CSMD1: variants seen among roughly 807,000 people sequenced by gnomAD.
CSMD1 encodes CUB and sushi domain-containing protein 1.
A neutral mutation model predicts 417.5 loss-of-function variants in CSMD1; 213 were observed. That is an observed-to-expected ratio of 0.51 (90% CI 0.46 to 0.57). CSMD1 has a LOEUF of 0.57. Among genes scored for constraint, CSMD1 ranks in the 20% least tolerant of loss-of-function variants. CSMD1 has a pLI of 0.00. For missense variants in CSMD1, 6,923 were observed against 4,529.7 expected, an observed-to-expected ratio of 1.53 and a Z score of -15.17; for synonymous variants, 2,862 against 1,736.8, an observed-to-expected ratio of 1.65 and a Z score of -16.11.
intron 16 of CSMD1, 79 bp from the exon 17 acceptor site, chr8:3,396,460 T>G: frequency 9.7e-7 from 1 of 1,032,084 alleles, no homozygotes; most frequent in South Asian, 1.7e-5. Context: ...CCTCATTCCT[T>G]AATCAGAAAC....
At chr8:3,284,440 C>T (rs533074792) in intron 25 of CSMD1, 94 bp from the exon 26 acceptor site, 2 of 843,878 alleles carry the variant, frequency 2.4e-6, no homozygotes, top group Admixed American at 2.1e-5. Flanking sequence ...CGCTTTCACA[C>T]AACCCCCACC....
At chr8:4,930,181 G>C (rs1178027878) in intron 1 of CSMD1, among the ~76,000 whole-genome samples, 1 of 152,138 alleles carries the variant, frequency 6.6e-6, no homozygotes, top group Non-Finnish European at 1.5e-5. Context: ...CGTAGGCATG[G>C]ACAGACGTTC....
At chr8:4,737,256 G>C in intron 1 of CSMD1, among the ~76,000 whole-genome samples, 1 of 152,130 alleles carries the variant, frequency 6.6e-6, no homozygotes, top group South Asian at 2.1e-4. Context: ...AATAGTGCAC[G>C]TTCTCACTTA....
At chr8:3,485,367 G>C (rs1355052441) in intron 11 of CSMD1, among the ~76,000 whole-genome samples, 2 of 152,106 alleles carry the variant, frequency 1.3e-5, no homozygotes, top group African/African-American at 2.4e-5. Context: ...TGCAGATAAT[G>C]TTTGGCAGGG....
intron 5 of CSMD1, among the ~76,000 whole-genome samples, chr8:3,905,689 C>G (rs1412260489): frequency 6.6e-6 from 1 of 152,144 alleles, no homozygotes; most frequent in Non-Finnish European, 1.5e-5. Context: ...CTTTGAGAAC[C>G]ACACTCAGTA....
At chr8:4,151,068 T>A (rs962649948) in intron 3 of CSMD1, among the ~76,000 whole-genome samples, 1 of 152,188 alleles carries the variant, frequency 6.6e-6, no homozygotes, top group African/African-American at 2.4e-5. Context: ...CAGCTAAGTT[T>A]ACGGGTGGTG....
At chr8:4,571,288 A>T (rs1308368329) in intron 2 of CSMD1, among the ~76,000 whole-genome samples, 1 of 152,078 alleles carries the variant, frequency 6.6e-6, no homozygotes, top group East Asian at 1.9e-4. Flanking sequence ...TAGCACTATG[A>T]TTTTCCCTCA....
At chr8:3,661,162 T>G (rs1259145044) in intron 7 of CSMD1, among the ~76,000 whole-genome samples, 1 of 152,184 alleles carries the variant, frequency 6.6e-6, no homozygotes, top group Non-Finnish European at 1.5e-5. Flanking sequence ...ATATGACTCC[T>G]TGTGGATGAA....
intron 3 of CSMD1, among the ~76,000 whole-genome samples, chr8:4,218,109 G>A (rs1359447477): frequency 6.6e-6 from 1 of 152,130 alleles, no homozygotes; most frequent in African/African-American, 2.4e-5. Context: ...TCGGACATTG[G>A]CGATGACCTT....
chr8:4,437,197 A>C (rs1798197506), intron 2 of CSMD1, among the ~76,000 whole-genome samples: 2 of 152,234 alleles, frequency 1.3e-5, no homozygotes, highest in Non-Finnish European at 2.9e-5. Flanking sequence ...TGTCTCAACA[A>C]ATCAAATCAA....
chr8:4,535,014 G>C (rs758621633), intron 2 of CSMD1, among the ~76,000 whole-genome samples: 53 of 152,260 alleles, frequency 3.5e-4, no homozygotes, highest in Non-Finnish European at 6.6e-4. Context: ...GCCTGCCTCA[G>C]CCTCCCAAAG....
intron 2 of CSMD1, among the ~76,000 whole-genome samples, chr8:4,577,879 T>A (rs768500618): frequency 6.6e-6 from 1 of 152,164 alleles, no homozygotes; most frequent in South Asian, 2.1e-4. Context: ...ATTTAATAAC[T>A]AAATATATAG....
intron 23 of CSMD1, among the ~76,000 whole-genome samples, chr8:3,337,773 C>T (rs57040014): frequency 0.015 from 2,255 of 152,230 alleles, 68 homozygotes; most frequent in African/African-American, 0.051. Context: ...GAAAGTCAGC[C>T]TATAGGGATC....
intron 1 of CSMD1, among the ~76,000 whole-genome samples, chr8:4,643,443 G>A (rs939931787): frequency 2.6e-5 from 4 of 152,030 alleles, no homozygotes; most frequent in Non-Finnish European, 4.4e-5. Context: ...TATACCTGTT[G>A]GCTTTTCTGG....
At chr8:3,377,129 G>A (rs1030934510) in intron 18 of CSMD1, among the ~76,000 whole-genome samples, 12 of 152,186 alleles carry the variant, frequency 7.9e-5, no homozygotes, top group South Asian at 2.1e-4. Context: ...CTGCCTCAGC[G>A]TCCTGAACCG....
At chr8:4,369,536 C>T (rs1352246045) in intron 3 of CSMD1, among the ~76,000 whole-genome samples, 2 of 152,116 alleles carry the variant, frequency 1.3e-5, no homozygotes, top group African/African-American at 4.8e-5. Context: ...ACCGTCAGTG[C>T]AGTATTGAAG....
chr8:3,664,265 T>A (rs1263367556), intron 7 of CSMD1, among the ~76,000 whole-genome samples: 1 of 152,164 alleles, frequency 6.6e-6, no homozygotes, highest in Non-Finnish European at 1.5e-5. Context: ...TTCCCACCTA[T>A]GAGAGAGAAC....
chr8:4,274,411 G>C (rs1389081389), intron 3 of CSMD1, among the ~76,000 whole-genome samples: 2 of 152,084 alleles, frequency 1.3e-5, no homozygotes, highest in African/African-American at 2.4e-5. Context: ...TGCTCAAAAT[G>C]TCTCTGGTGC....
intron 20 of CSMD1, among the ~76,000 whole-genome samples, chr8:3,359,906 T>C (rs937447492): frequency 1.3e-5 from 2 of 152,268 alleles, no homozygotes; most frequent in Middle Eastern, 3.4e-3. Context: ...AGCAGACAAA[T>C]AGCATATTAA....
Sources: gnomAD v4.1 joint callset for allele counts (sites outside exome capture counted in the v4.1 genomes callset) on GRCh38, gnomAD v4.1.1 for gene constraint, MANE v1.5 for transcripts, NCBI Gene and HGNC (gene_info 2026-07-23, HGNC 2026-07-21) for gene names.